The following ANXA4 variants were observed in gnomAD, a reference collection of about 807,000 sequenced individuals.
ANXA4 encodes 35-beta calcimedin.
Under a neutral mutation model 49.8 loss-of-function variants are expected in ANXA4, and 39 were observed. The ratio of observed to expected loss-of-function variants is 0.78; its 90% confidence interval spans 0.61 to 1.02. The LOEUF is 1.02. Among genes scored for constraint, ANXA4 ranks in the 50% least tolerant of loss-of-function variants. ANXA4 has a pLI of 0.00. For missense variants in ANXA4, 360 were observed against 410.1 expected (o/e 0.88, Z 1.05); for synonymous variants, 134 against 152.5 (o/e 0.88, Z 0.89).
chr2:69,694,594 A>G (rs1012189012), intron 2 of ANXA4, among the ~76,000 whole-genome samples: 18 of 133,306 alleles, frequency 1.4e-4, no homozygotes, highest in African/African-American at 4.6e-4. Flanking sequence ...TCATTGTTCA[A>G]TTCCCACCTA....
chr2:69,717,683 A>G (rs1346501609), intron 2 of ANXA4, among the ~76,000 whole-genome samples: 2 of 152,010 alleles, frequency 1.3e-5, no homozygotes, highest in African/African-American at 4.8e-5. Context: ...TCTTCTTTGG[A>G]ATATGTTGTT....
At chr2:69,763,940 C>T (rs1358972439) in intron 1 of ANXA4, among the ~76,000 whole-genome samples, 2 of 152,144 alleles carry the variant, frequency 1.3e-5, no homozygotes, top group African/African-American at 2.4e-5. Flanking sequence ...GGATTACAGA[C>T]GTGAGCCACC....
chr2:69,696,455 C>T lies in ANXA4; in HGVS notation n.767-24319C>T, dbSNP rs545385712. 1.7e-4 allele frequency among the ~76,000 whole-genome samples: 26 copies of T among 152,284 alleles called. No homozygotes were observed. In the South Asian group the frequency reaches 5.4e-3, roughly 32 times the overall value. On this transcript the variant is annotated intron_variant and non_coding_transcript_variant, in intron 2 of 3. Transcript: ENST00000418066. ...GACTTGCTCCATTGAAGTCTCAGAC[C>T]CCACAGTCATCCACGAGAGTTAAAA...
chr2:69,793,233 A>C (rs1368894901), intron 3 of ANXA4, among the ~76,000 whole-genome samples: 3 of 148,492 alleles, frequency 2.0e-5, no homozygotes, highest in Non-Finnish European at 4.4e-5. Context: ...GTCTGGCGAC[A>C]GAGCAAGACT....
At chr2:69,756,609 C>G (rs1671047842) in intron 1 of ANXA4, among the ~76,000 whole-genome samples, 1 of 151,966 alleles carries the variant, frequency 6.6e-6, no homozygotes, top group African/African-American at 2.4e-5. Flanking sequence ...GAGAGAATAG[C>G]AAAATGAACC....
chr2:69,702,472 C>T (rs964812437), intron 2 of ANXA4, among the ~76,000 whole-genome samples: 15 of 152,172 alleles, frequency 9.9e-5, no homozygotes, highest in African/African-American at 3.6e-4. Context: ...CTTGTAATCC[C>T]AGCACTTGGG....
intron 6 of ANXA4, chr2:69,809,450 G>C (rs982388378): frequency 2.6e-5 from 4 of 152,068 alleles, no homozygotes; most frequent in African/African-American, 9.7e-5. Flanking sequence ...TTATGAAGAA[G>C]TGATTTTTAA....
intron 1 of ANXA4, among the ~76,000 whole-genome samples, chr2:69,777,669 C>T (rs757282815): frequency 4.6e-5 from 7 of 152,228 alleles, no homozygotes; most frequent in South Asian, 2.1e-4. Flanking sequence ...ATCCTTCAAA[C>T]ACAGTAAGCC....
At chr2:69,789,228 A>G (rs975114787) in intron 3 of ANXA4, among the ~76,000 whole-genome samples, 2 of 152,160 alleles carry the variant, frequency 1.3e-5, no homozygotes, top group African/African-American at 4.8e-5. Flanking sequence ...TTTTAGCCCC[A>G]TTTTACAGAT....
At chr2:69,732,111 G>A (rs1670118802) in intron 3 of ANXA4, among the ~76,000 whole-genome samples, 2 of 150,942 alleles carry the variant, frequency 1.3e-5, no homozygotes, top group South Asian at 4.2e-4. Context: ...CTGAGTAGCT[G>A]GGACTACAGG....
chr2:69,645,833 A>G (rs1166302083), intron 1 of ANXA4, among the ~76,000 whole-genome samples: 3 of 152,214 alleles, frequency 2.0e-5, no homozygotes, highest in African/African-American at 7.2e-5. Flanking sequence ...ACATATATTA[A>G]GTATATAATG....
At chr2:69,753,993 C>A (rs1670951816) in intron 1 of ANXA4, among the ~76,000 whole-genome samples, 1 of 152,174 alleles carries the variant, frequency 6.6e-6, no homozygotes. Context: ...GGATTCTAAG[C>A]CTGAATGATC....
chr2:69,711,431 A>G (rs546896182), intron 2 of ANXA4, among the ~76,000 whole-genome samples: 1 of 152,378 alleles, frequency 6.6e-6, no homozygotes, highest in Admixed American at 6.5e-5. Context: ...TGCTAAGGAC[A>G]GAAACCAGGC....
In ANXA4 at chr2:69,772,167, G is replaced by A. The variant is rs932131504; in HGVS notation, c.-46-9353G>A. Among the ~76,000 whole-genome samples, 8 of 152,194 alleles carry A rather than the reference G, an allele frequency of 5.3e-5. No individual in the cohort carries two copies. The South Asian group carries it at 8.3e-4, about 16-fold the overall frequency. On this transcript the variant is annotated intron_variant, in intron 1 of 12. Transcript: ENST00000394295. ...TTTGAATCACCCCCAAAATGGGAGC[G>A]TGTTTGCATTTTACAGATGTAAAAA...
intron 12 of ANXA4, among the ~76,000 whole-genome samples, chr2:69,823,827 G>A (rs1455036189): frequency 6.6e-6 from 1 of 152,150 alleles, no homozygotes; most frequent in Non-Finnish European, 1.5e-5. Context: ...TATAAACAAG[G>A]ATATATTAAG....
At chr2:69,711,180 A>T (rs990419327) in intron 2 of ANXA4, among the ~76,000 whole-genome samples, 1 of 152,118 alleles carries the variant, frequency 6.6e-6, no homozygotes, top group African/African-American at 2.4e-5. Flanking sequence ...AAATACAAAA[A>T]TGAGCTGGGC....
intron 2 of ANXA4, among the ~76,000 whole-genome samples, chr2:69,711,151 G>A (rs538914624): frequency 6.6e-6 from 1 of 152,272 alleles, no homozygotes; most frequent in East Asian, 1.9e-4. Flanking sequence ...TCAACATGGT[G>A]AAACTCTGTC....
chr2:69,741,071 G>A (rs116609683), upstream of ANXA4, among the ~76,000 whole-genome samples: 603 of 152,168 alleles, frequency 4.0e-3, 3 homozygotes, highest in African/African-American at 0.014. Flanking sequence ...CCTAAAACCC[G>A]TGCTCTAAAC....
chr2:69,776,884 A>C (rs949881651), intron 1 of ANXA4, among the ~76,000 whole-genome samples: 2 of 152,208 alleles, frequency 1.3e-5, no homozygotes, highest in Non-Finnish European at 2.9e-5. Context: ...TCAGTCCCAC[A>C]GTCCTCCACC....
Sources: gnomAD v4.1 joint callset for allele counts (sites outside exome capture counted in the v4.1 genomes callset) on GRCh38, gnomAD v4.1.1 for gene constraint, MANE v1.5 for transcripts, NCBI Gene and HGNC (gene_info 2026-07-23, HGNC 2026-07-21) for gene names.